Variants in GIMAP2 observed in about 807,000 individuals in gnomAD.
GIMAP2 encodes the protein GTPase IMAP family member 2.
GIMAP2 carries 22 observed loss-of-function variants against 25.5 expected under a neutral mutation model. The ratio of observed to expected loss-of-function variants is 0.86; its 90% CI spans 0.62 to 1.23. The LOEUF is 1.23. Among genes scored for constraint, GIMAP2 ranks in the 50% most tolerant of loss-of-function variants. The probability of loss-of-function intolerance (pLI) is 0.00; values close to 1 mark genes in which losing one functional copy is unlikely to be tolerated. For missense variants in GIMAP2, 422 were observed against 395.7 expected, an observed-to-expected ratio of 1.07 and a Z score of -0.56; for synonymous variants, 167 against 143.0, an observed-to-expected ratio of 1.17 and a Z score of -1.20.
rs1482066191 is a variant in GIMAP2, at chr7:150,692,534, C to A, written c.248C>A (p.Ser83Tyr). The change falls in exon 3 of 3, where the codon TCT (serine) becomes TAT (tyrosine). Residue 83 changes from serine (S) to tyrosine (Y), a missense_variant. Physicochemically the swap from Ser to Tyr is moderately radical, Grantham distance 144 (BLOSUM62 -2). Coordinates refer to ENST00000223293, the MANE Select transcript of GIMAP2 (RefSeq NM_015660.3). Reference sequence around the variant, plus strand: ...ATTATTGACACACCAGATATGTTTTCTTGGAAGGACCACTGTGAAGCTCTG... The same window carrying A: ...ATTATTGACACACCAGATATGTTTTATTGGAAGGACCACTGTGAAGCTCTG... ...IVIIDTPDMF[S>Y]WKDHCEALYK... 6.8e-6 allele frequency: 11 copies of A among 1,614,156 alleles called. No individual in the cohort carries two copies. Among genetic ancestry groups the A allele is most frequent in the Middle Eastern group, 1.6e-4 (1 of 6,062 alleles).
Position 150,692,741 on chromosome 7 carries a change from A to T in GIMAP2, c.455A>T (p.Asn152Ile). ...IVLFTHKEDL[N>I]GGSLMDYMHD... is the part of the protein sequence containing the mutation. ...CTCTTTACCCACAAGGAAGACCTCA[A>T]TGGTGGCTCCCTGATGGATTACATG... is the stretch of plus-strand genomic sequence containing the variant. The change falls in exon 3 of 3, where the codon AAT (asparagine) becomes ATT (isoleucine). Residue 152 changes from asparagine (N) to isoleucine (I), a missense_variant. Transcript: ENST00000223293. 2 of 1,614,194 alleles carry T rather than the reference A, an allele frequency of 1.2e-6. No homozygotes were observed. The highest frequency in any genetic ancestry group is 1.7e-6 in the Non-Finnish European group (2 of 1,180,004).
Position 150,692,401 on chromosome 7 carries a change from G to C in GIMAP2, c.115G>C (p.Gly39Arg). Reference sequence around the variant, plus strand: ...AACAGGAACTGGCAAAAGTGCTGCAGGGAACAGCATCCTCAGGAAGCAAGC... The same window carrying C: ...AACAGGAACTGGCAAAAGTGCTGCACGGAACAGCATCCTCAGGAAGCAAGC... ...GKTGTGKSAA[G>R]NSILRKQAFE... The change falls in exon 3 of 3, where the codon GGG becomes CGG. Residue 39 changes from glycine (G) to arginine (R), a missense_variant. Physicochemically the swap from Gly to Arg is moderately radical, Grantham distance 125. Coordinates refer to ENST00000223293, the MANE Select transcript of GIMAP2 (RefSeq NM_015660.3). 6.2e-7 allele frequency: 1 copy of C among 1,614,192 alleles called. No individual in the cohort carries two copies. The highest frequency in any genetic ancestry group is 8.5e-7 in the Non-Finnish European group (1 of 1,180,008).
intron 2 of GIMAP2, among the ~76,000 whole-genome samples, chr7:150,688,755 G>A (rs551936713): frequency 6.6e-6 from 1 of 152,290 alleles, no homozygotes; most frequent in South Asian, 2.1e-4. Context: ...CCTTGCAGTT[G>A]TCTCCTGGCT....
At chr7:150,687,146 G>A in intron 2 of GIMAP2, 59 bp downstream of exon 2, 2 of 957,450 alleles carry the variant, frequency 2.1e-6, no homozygotes, top group Non-Finnish European at 3.2e-6. Flanking sequence ...GTGTGTGTGT[G>A]TGTGTGTGTT....
At chr7:150,691,677 G>A (rs1007692885) in intron 2 of GIMAP2, among the ~76,000 whole-genome samples, 2 of 152,200 alleles carry the variant, frequency 1.3e-5, no homozygotes, top group African/African-American at 4.8e-5. Context: ...CCCACATTGA[G>A]ATGGAACCCA....
intron 1 of GIMAP2, 62 bp from the exon 2 acceptor site, chr7:150,686,990 A>T (rs1345879536): frequency 8.6e-7 from 1 of 1,165,738 alleles, no homozygotes. Flanking sequence ...AAAGAAAAGA[A>T]ATATAAGAAT....
chr7:150,693,009 G>A lies in GIMAP2; in HGVS notation c.723G>A (p.Gln241=). 1.9e-6 allele frequency: 3 copies of A among 1,614,122 alleles called. No homozygotes were observed. Among genetic ancestry groups the A allele is most frequent in the Non-Finnish European group, 2.5e-6 (3 of 1,179,958 alleles). ...ATGAAAGAGTAAAGGAATTCAAACA[G>A]AGCCTTATAAAGTACATGGAAACTC... ...GSDERVKEFK[Q]SLIKYMETQR... The change falls in exon 3 of 3, where the codon CAG becomes CAA. Residue 241 remains glutamine, a synonymous_variant. Transcript: ENST00000223293.
At chr7:150,689,794 C>A in intron 2 of GIMAP2, 1 of 419,988 alleles carries the variant, frequency 2.4e-6, no homozygotes, top group Non-Finnish European at 4.2e-6. Context: ...AGAAAACGGG[C>A]AGGTTCAAAT....
At chr7:150,687,681 G>A (rs781618841) in intron 2 of GIMAP2, among the ~76,000 whole-genome samples, 1 of 151,672 alleles carries the variant, frequency 6.6e-6, no homozygotes, top group Non-Finnish European at 1.5e-5. Flanking sequence ...CTACCATTCA[G>A]TCTTCTCTTC....
At chr7:150,692,262 A>G in intron 2 of GIMAP2, 53 bp from the exon 3 acceptor site, 1 of 1,505,726 alleles carries the variant, frequency 6.6e-7, no homozygotes. Context: ...AAAAAAAAAT[A>G]TTCCACTGCC....
intron 1 of GIMAP2, among the ~76,000 whole-genome samples, chr7:150,686,379 T>C (rs985926237): frequency 3.9e-5 from 6 of 152,072 alleles, no homozygotes; most frequent in African/African-American, 1.4e-4. Context: ...AAGGGAGGAC[T>C]GAGCCTAAGG....
Position 150,692,985 on chromosome 7 carries a change from T to C in GIMAP2, c.699T>C (p.Asp233=), listed in dbSNP as rs148143220. ...QRSKCGPVGS[D]ERVKEFKQSL... is the part of the protein sequence containing the mutation. ...CTAAATGTGGACCTGTGGGATCAGA[T>C]GAAAGAGTAAAGGAATTCAAACAGA... The change falls in exon 3 of 3, where the codon GAT becomes GAC. Residue 233 remains aspartate, a synonymous_variant. Coordinates refer to ENST00000223293, the MANE Select transcript of GIMAP2 (RefSeq NM_015660.3). The C allele has an allele frequency of 2.9e-4, 467 of 1,613,984 alleles. No individual in the cohort carries two copies. Among genetic ancestry groups the C allele is most frequent in the Non-Finnish European group, 3.7e-4 (440 of 1,179,868 alleles).
Position 150,692,803 on chromosome 7 carries a change from G to A in GIMAP2, c.517G>A (p.Ala173Thr). 1 of 1,614,248 alleles carries A rather than the reference G, an allele frequency of 6.2e-7. No homozygotes were observed. Among genetic ancestry groups the A allele is most frequent in the Non-Finnish European group, 8.5e-7 (1 of 1,180,052 alleles). Residue 173 changes from alanine (A) to threonine (T), a missense_variant, in exon 3 of 3, where the codon GCA becomes ACA. Physicochemically the swap from Ala to Thr is moderately conservative, Grantham distance 58 (BLOSUM62 0). Coordinates refer to ENST00000223293, the MANE Select transcript of GIMAP2 (RefSeq NM_015660.3). ...TAACAAAGCCCTAAGCAAGCTGGTG[G>A]CAGCATGTGGTGGGCGAATCTGTGC... ...SDNKALSKLV[A>T]ACGGRICAFN...
At chr7:150,692,104 T>C (rs1796971469) in intron 2 of GIMAP2, among the ~76,000 whole-genome samples, 1 of 150,934 alleles carries the variant, frequency 6.6e-6, no homozygotes, top group Non-Finnish European at 1.5e-5. Flanking sequence ...CGGGCATCTG[T>C]AGTCCCAGCT....
chr7:150,691,550 A>G (rs1182504932), intron 2 of GIMAP2, among the ~76,000 whole-genome samples: 1 of 152,218 alleles, frequency 6.6e-6, no homozygotes, highest in Non-Finnish European at 1.5e-5. Context: ...ATAATTTTAC[A>G]CTGCTCATTC....
chr7:150,689,682 A>G, intron 2 of GIMAP2: 4 of 585,952 alleles, frequency 6.8e-6, no homozygotes, highest in South Asian at 4.2e-5. Context: ...ATAAGATTAA[A>G]TGTCCATAAA....
intron 2 of GIMAP2, among the ~76,000 whole-genome samples, chr7:150,691,070 A>G (rs1796961136): frequency 6.6e-6 from 1 of 152,230 alleles, no homozygotes; most frequent in Non-Finnish European, 1.5e-5. Context: ...CCCTCCAGAA[A>G]GATTCTCCTG....
rs573462934 is a variant in GIMAP2 at position 150,689,380 on chromosome 7, C to T, written c.28+2293C>T. The T allele has an allele frequency of 5.0e-5, 31 of 620,190 alleles. No homozygotes were observed. The South Asian group carries it at 5.4e-4, about 11-fold the overall frequency. The allele number at this position is 620,190 out of a possible 1,614,324, so 38.4% of individuals were successfully genotyped here. Reference sequence around the variant, plus strand: ...GGCTTTGGATGCAGAGAATTCTCTTCCCTATACCCTCCCCATGGGAGAGAA... The same window carrying T: ...GGCTTTGGATGCAGAGAATTCTCTTTCCTATACCCTCCCCATGGGAGAGAA... On this transcript the variant is annotated intron_variant, in intron 2 of 2. Transcript: ENST00000223293.
chr7:150,693,045 C>T lies in GIMAP2; in HGVS notation c.759C>T (p.Tyr253=). Residue 253 remains tyrosine (Y), a synonymous_variant, in exon 3 of 3, where the codon TAC becomes TAT. Coordinates refer to ENST00000223293, the MANE Select transcript of GIMAP2 (RefSeq NM_015660.3). ...AGTACATGGAAACTCAAAGAAGTTACACAGCCTTGGCTGAAGCAAACTGCC... is the reference window on the plus strand; with the variant it reads ...AGTACATGGAAACTCAAAGAAGTTATACAGCCTTGGCTGAAGCAAACTGCC... ...LIKYMETQRS[Y]TALAEANCLK... 1.2e-6 allele frequency: 2 copies of T among 1,614,180 alleles called. No homozygotes were observed. Among genetic ancestry groups the T allele is most frequent in the Non-Finnish European group, 1.7e-6 (2 of 1,179,998 alleles).
Sources: gnomAD v4.1 joint callset for allele counts (sites outside exome capture counted in the v4.1 genomes callset) on GRCh38, gnomAD v4.1.1 for gene constraint, MANE v1.5 for transcripts, NCBI Gene and HGNC (gene_info 2026-07-23, HGNC 2026-07-21) for gene names.